Variants in SNX13 observed in about 807,000 individuals in gnomAD.
SNX13 encodes the protein sorting nexin-13.
A neutral mutation model predicts 133.6 loss-of-function variants in SNX13; 45 were observed. That is an observed-to-expected ratio of 0.34 (90% CI 0.27 to 0.43). SNX13 has a LOEUF of 0.43. Among genes scored for constraint, SNX13 ranks in the 20% least tolerant of loss-of-function variants. The pLI is 1.00. For synonymous variants in SNX13, 414 were observed against 373.9 expected (o/e 1.11, Z -1.24); for missense variants, 1,032 against 1,145.1 (o/e 0.90, Z 1.43).
chr7:17,934,161 C>G (rs1020671630), intron 1 of SNX13, among the ~76,000 whole-genome samples: 1 of 152,190 alleles, frequency 6.6e-6, no homozygotes, highest in Non-Finnish European at 1.5e-5. Flanking sequence ...TAAGAGCTAT[C>G]TGCTTGCTTC....
chr7:17,832,448 G>T (rs1788605266), intron 15 of SNX13: 2 of 984,260 alleles, frequency 2.0e-6, no homozygotes, highest in Admixed American at 1.2e-4. Context: ...TTATGACTTT[G>T]TCTTCTCTCT....
intron 1 of SNX13, among the ~76,000 whole-genome samples, chr7:17,925,740 G>C (rs1800672203): frequency 6.6e-6 from 1 of 151,878 alleles, no homozygotes; most frequent in African/African-American, 2.4e-5. Context: ...ATCCTACAAT[G>C]CACAGGACAA....
At chr7:17,895,558 T>C (rs986446927) in intron 2 of SNX13, among the ~76,000 whole-genome samples, 2 of 152,144 alleles carry the variant, frequency 1.3e-5, no homozygotes, top group Admixed American at 1.3e-4. Context: ...CTCTTAATAT[T>C]CTCTAGAGTT....
At chr7:17,794,319 T>C in intron 25 of SNX13, 27 bp from the exon 26 acceptor site, 2 of 1,590,646 alleles carry the variant, frequency 1.3e-6, no homozygotes, top group Non-Finnish European at 1.7e-6. Context: ...AAAACACACA[T>C]AATTATTCAA....
At chr7:17,902,175 A>G (rs1158765238) in intron 1 of SNX13, among the ~76,000 whole-genome samples, 1 of 151,098 alleles carries the variant, frequency 6.6e-6, no homozygotes, top group East Asian at 2.0e-4. Flanking sequence ...TTCAACAACT[A>G]TTCTGTGAAT....
Position 17,811,152 on chromosome 7 carries a change from G to C in SNX13, c.2064+3682C>G, listed in dbSNP as rs73308121. 4.9e-3 allele frequency among the ~76,000 whole-genome samples: 739 copies of C among 152,246 alleles called. 3 individuals carry two copies. Among genetic ancestry groups the C allele is most frequent in the African/African-American group, 0.017 (693 of 41,544 alleles). ...CAGTATTGGAAGGATGTCTGGCCTG[G>C]ACAATCGGGCAAGAGAAAGAAAGAA... On this transcript the variant is annotated intron_variant, in intron 20 of 25. Transcript: ENST00000428135.
intron 2 of SNX13, among the ~76,000 whole-genome samples, chr7:17,893,671 T>C (rs1796883680): frequency 6.6e-6 from 1 of 152,134 alleles, no homozygotes. Context: ...TCCAATATAT[T>C]TCCTAAAGAA....
intron 20 of SNX13, among the ~76,000 whole-genome samples, chr7:17,812,287 C>T (rs1490370665): frequency 6.6e-6 from 1 of 152,058 alleles, no homozygotes; most frequent in Non-Finnish European, 1.5e-5. Context: ...CTACAAAGAA[C>T]TGAAACAAAC....
chr7:17,890,384 G>A lies in SNX13; in HGVS notation c.419C>T (p.Ala140Val), dbSNP rs761132945. 3.1e-6 allele frequency: 5 copies of A among 1,610,860 alleles called. No homozygotes were observed. The South Asian group carries it at 3.3e-5, about 11-fold the overall frequency. The stretch of plus-strand genomic sequence containing the variant: ...TTACCTAGTAGCAAACTGAATGAGT[G>A]CGTTTTGAAGAGTCTGCCTAATTTC... ...LLEIRQTLQNALIQFATRSKE... is the reference protein window; with the variant it reads ...LLEIRQTLQNVLIQFATRSKE... Residue 140 changes from alanine to valine, a missense_variant, in exon 5 of 26, where the codon GCA becomes GTA. Physicochemically the swap from Ala to Val is moderately conservative, Grantham distance 64. Coordinates refer to ENST00000428135, the MANE Select transcript of SNX13 (RefSeq NM_015132.5).
chr7:17,817,111 C>T (rs539200830), intron 18 of SNX13, among the ~76,000 whole-genome samples: 8 of 152,140 alleles, frequency 5.3e-5, no homozygotes, highest in Admixed American at 1.3e-4. Flanking sequence ...AAATTAAGAA[C>T]AGTCAGCATA....
At chr7:17,837,196 T>C (rs555644049) in intron 13 of SNX13, among the ~76,000 whole-genome samples, 1 of 152,120 alleles carries the variant, frequency 6.6e-6, no homozygotes, top group Admixed American at 6.6e-5. Flanking sequence ...AGCGCAATCA[T>C]ATGATCACGG....
chr7:17,841,193 C>A (rs1464657109), intron 12 of SNX13, among the ~76,000 whole-genome samples: 2 of 152,018 alleles, frequency 1.3e-5, no homozygotes, highest in Non-Finnish European at 2.9e-5. Context: ...TGGTCCAAGC[C>A]CCTTTCCTTT....
chr7:17,886,567 G>T lies in SNX13; in HGVS notation c.440+3796C>A, dbSNP rs189663991. On this transcript the variant is annotated intron_variant, in intron 5 of 25. Transcript: ENST00000428135. Reference sequence around the variant, plus strand: ...ATCATGCCACTGCACTCCAGCCTGGGTGACAGAGTGAGACTCCGTCTCAAA... The same window carrying T: ...ATCATGCCACTGCACTCCAGCCTGGTTGACAGAGTGAGACTCCGTCTCAAA... Among the ~76,000 whole-genome samples the T allele has an allele frequency of 1.2e-3, 184 of 151,788 alleles. 1 individual carries two copies. Among genetic ancestry groups the T allele is most frequent in the African/African-American group, 4.2e-3 (173 of 41,380 alleles).
chr7:17,836,559 T>G (rs1277858207), intron 13 of SNX13, among the ~76,000 whole-genome samples: 1 of 152,090 alleles, frequency 6.6e-6, no homozygotes, highest in Non-Finnish European at 1.5e-5. Context: ...GTTATTACTT[T>G]AATGTGAAAA....
chr7:17,802,282 C>G, intron 21 of SNX13, among the ~76,000 whole-genome samples: 1 of 151,992 alleles, frequency 6.6e-6, no homozygotes, highest in Non-Finnish European at 1.5e-5. Flanking sequence ...CAGAACATAT[C>G]CCTGTTGTTA....
At chr7:17,837,536 C>T (rs1002889527) in intron 13 of SNX13, among the ~76,000 whole-genome samples, 1 of 151,824 alleles carries the variant, frequency 6.6e-6, no homozygotes, top group African/African-American at 2.4e-5. Flanking sequence ...GATTTCGGTG[C>T]TCCAAAAAAA....
intron 1 of SNX13, 23 bp downstream of exon 1, chr7:17,940,261 C>G (rs1355159521): frequency 1.3e-5 from 20 of 1,556,738 alleles, no homozygotes; most frequent in Non-Finnish European, 1.7e-5. Context: ...CACAGGTAAA[C>G]ACTGGCCACC....
chr7:17,806,681 G>C (rs1220151298), intron 20 of SNX13, among the ~76,000 whole-genome samples: 1 of 151,972 alleles, frequency 6.6e-6, no homozygotes, highest in African/African-American at 2.4e-5. Context: ...AGCCAAATAG[G>C]AACAGTTCCG....
chr7:17,793,949 T>A lies in SNX13; in HGVS notation c.*96A>T. The stretch of plus-strand genomic sequence containing the variant: ...AATCTATTTTGAGACACTAAAAGAC[T>A]GGTGCAGACACAACAGTATTTGAGT... On this transcript the variant is annotated 3_prime_UTR_variant, in exon 26 of 26. Coordinates refer to ENST00000428135, the MANE Select transcript of SNX13 (RefSeq NM_015132.5). 7.4e-7 allele frequency: 1 copy of A among 1,350,870 alleles called. No homozygotes were observed. Among genetic ancestry groups the A allele is most frequent in the Non-Finnish European group, 1.0e-6 (1 of 989,842 alleles). The allele number at this position is 1,350,870 out of a possible 1,614,324, so 83.7% of individuals were successfully genotyped here.
Sources: allele counts gnomAD v4.1 joint callset (sites outside exome capture counted in the v4.1 genomes callset), GRCh38; gene constraint gnomAD v4.1.1; transcripts MANE v1.5; gene names NCBI Gene and HGNC (gene_info 2026-07-23, HGNC 2026-07-21).